KPNA3: variants seen among roughly 807,000 people sequenced by gnomAD.
The protein encoded by KPNA3 is karyopherin subunit alpha 3, also known as importin subunit alpha-4.
KPNA3 carries 13 observed loss-of-function variants against 73.8 expected under a neutral mutation model. That is an observed-to-expected ratio of 0.18 (90% CI 0.11 to 0.28). The LOEUF (loss-of-function observed/expected upper bound fraction) is 0.28, where lower values mean the gene tolerates loss of function less well. Ranked by LOEUF, KPNA3 falls within the 10% of genes least tolerant of loss-of-function variation. KPNA3 has a pLI of 1.00. For synonymous variants in KPNA3, 186 were observed against 206.9 expected (o/e 0.90, Z 0.87); for missense variants, 360 against 618.1 (o/e 0.58, Z 4.43).
intron 12 of KPNA3, among the ~76,000 whole-genome samples, chr13:49,708,897 C>T (rs894210592): frequency 9.9e-5 from 15 of 152,038 alleles, no homozygotes; most frequent in African/African-American, 3.4e-4. Flanking sequence ...GTCTTTGGGT[C>T]CAAACTAATT....
chr13:49,767,104 GA>G (rs1033899067), intron 1 of KPNA3, among the ~76,000 whole-genome samples: 9 of 151,538 alleles, frequency 5.9e-5, no homozygotes, highest in Non-Finnish European at 1.2e-4. Context: ...GCAATACCAT[GA>G]AATAATTTAA....
At chr13:49,713,811 C>T (rs1954282222) in intron 10 of KPNA3, among the ~76,000 whole-genome samples, 1 of 152,168 alleles carries the variant, frequency 6.6e-6, no homozygotes. Flanking sequence ...TCAAGTGATT[C>T]TCCTGCCTCA....
intron 11 of KPNA3, 70 bp downstream of exon 11, chr13:49,710,821 T>C (rs984413042): frequency 3.4e-5 from 46 of 1,339,804 alleles, no homozygotes; most frequent in Middle Eastern, 1.9e-4. Context: ...AATTAAAGCC[T>C]AGCTGTACAA....
At chr13:49,759,871 A>C (rs1037990993) in intron 1 of KPNA3, among the ~76,000 whole-genome samples, 11 of 152,228 alleles carry the variant, frequency 7.2e-5, no homozygotes, top group African/African-American at 2.7e-4. Flanking sequence ...AGCTTAAAGA[A>C]GGAGTGATAG....
intron 6 of KPNA3, 70 bp downstream of exon 6, chr13:49,732,301 T>C: frequency 1.5e-6 from 1 of 675,456 alleles, no homozygotes; most frequent in Non-Finnish European, 2.6e-6. Flanking sequence ...CTGAACTCAC[T>C]GGTTAAGTAA....
At chr13:49,729,855 T>C (rs946366324) in intron 6 of KPNA3, among the ~76,000 whole-genome samples, 2 of 152,328 alleles carry the variant, frequency 1.3e-5, no homozygotes, top group East Asian at 3.9e-4. Flanking sequence ...GTGCTTTGTA[T>C]GTATTATTTC....
chr13:49,734,899 T>TCATA lies in KPNA3; in HGVS notation c.115-1854_115-1853insTATG, dbSNP rs1555305279. ...CCTTCTAATTTTGCAAATTTTGACT[T>TCATA]TATATATATATATATACACACACAT... On this transcript the variant is annotated intron_variant, in intron 2 of 16. Coordinates refer to ENST00000261667, the MANE Select transcript of KPNA3 (RefSeq NM_002267.4). 4.9e-5 allele frequency among the ~76,000 whole-genome samples: 7 copies of TCATA among 143,652 alleles called. No individual in the cohort carries two copies. The Admixed American group carries it at 4.9e-4, about 10-fold the overall frequency. 94.2% of individuals were successfully genotyped at this position (143,652 alleles called of 152,430 possible).
rs966622653 is a variant in KPNA3 at position 49,719,706 on chromosome 13, C to T, written c.771+69G>A. ...GACAAGTTGATAAAATGTATGCTGA[C>T]ACTTACATAAAAACCCTTTCTGTCC... On this transcript the variant is annotated intron_variant, in intron 10 of 16. Transcript: ENST00000261667. The T allele has an allele frequency of 2.3e-5, 23 of 989,236 alleles. No individual in the cohort carries two copies. The South Asian group carries it at 3.1e-4, about 13-fold the overall frequency. 61.3% of individuals were successfully genotyped at this position (989,236 alleles called of 1,614,324 possible).
chr13:49,778,388 C>CT (rs1954913936), intron 1 of KPNA3, among the ~76,000 whole-genome samples: 2 of 152,200 alleles, frequency 1.3e-5, no homozygotes, highest in South Asian at 4.1e-4. Flanking sequence ...GTACCTCTGT[C>CT]TATACATCTT....
intron 2 of KPNA3, among the ~76,000 whole-genome samples, chr13:49,735,210 C>T (rs1954511088): frequency 6.6e-6 from 1 of 152,172 alleles, no homozygotes; most frequent in African/African-American, 2.4e-5. Flanking sequence ...GCAACCTCCA[C>T]CTCCCGGGTT....
At chr13:49,701,922 C>G in intron 16 of KPNA3, 24 bp from the exon 17 acceptor site, 1 of 1,495,768 alleles carries the variant, frequency 6.7e-7, no homozygotes, top group South Asian at 1.1e-5. Flanking sequence ...GAAAAAAATC[C>G]TTATTAGGTT....
chr13:49,747,195 A>T (rs563068089), intron 1 of KPNA3, among the ~76,000 whole-genome samples: 2 of 152,216 alleles, frequency 1.3e-5, no homozygotes, highest in East Asian at 1.9e-4. Context: ...TACAAAAAAA[A>T]TTAGCCGGGC....
At chr13:49,762,402 T>C (rs1311651356) in intron 1 of KPNA3, among the ~76,000 whole-genome samples, 1 of 152,134 alleles carries the variant, frequency 6.6e-6, no homozygotes, top group Admixed American at 6.5e-5. Flanking sequence ...ATGATGATGA[T>C]GGCGGTTTTG....
intron 11 of KPNA3, 33 bp from the exon 12 acceptor site, chr13:49,709,733 T>C (rs1223911472): frequency 6.3e-7 from 1 of 1,592,494 alleles, no homozygotes; most frequent in Admixed American, 1.8e-5. Context: ...TCTATAAATT[T>C]ATTTGCTTAT....
chr13:49,745,778 T>C (rs1476607048), intron 2 of KPNA3, among the ~76,000 whole-genome samples: 2 of 152,030 alleles, frequency 1.3e-5, no homozygotes, highest in Non-Finnish European at 2.9e-5. Flanking sequence ...AAGATATATG[T>C]ATAGGCCGGG....
At chr13:49,762,372 C>T (rs867722795) in intron 1 of KPNA3, among the ~76,000 whole-genome samples, 1 of 152,190 alleles carries the variant, frequency 6.6e-6, no homozygotes, top group Non-Finnish European at 1.5e-5. Context: ...GTGTACCCAA[C>T]AGCTCATCGA....
chr13:49,706,067 A>G, intron 14 of KPNA3, 31 bp downstream of exon 14: 5 of 1,581,650 alleles, frequency 3.2e-6, no homozygotes, highest in Non-Finnish European at 4.3e-6. Flanking sequence ...CAGTATTAAC[A>G]ATCATGACAG....
intron 10 of KPNA3, 22 bp downstream of exon 10, chr13:49,719,753 T>C (rs1954337891): frequency 6.4e-7 from 1 of 1,574,010 alleles, no homozygotes; most frequent in Non-Finnish European, 8.7e-7. Flanking sequence ...AAATCCCACA[T>C]TTAAGCTGCT....
intron 7 of KPNA3, among the ~76,000 whole-genome samples, chr13:49,723,625 C>T (rs192439651): frequency 1.3e-5 from 2 of 151,036 alleles, no homozygotes; most frequent in East Asian, 3.9e-4. Flanking sequence ...ATAATCTCAG[C>T]ACTTTGGGAA....
Sources: gnomAD v4.1 joint callset for allele counts (sites outside exome capture counted in the v4.1 genomes callset) on GRCh38, gnomAD v4.1.1 for gene constraint, MANE v1.5 for transcripts, NCBI Gene and HGNC (gene_info 2026-07-23, HGNC 2026-07-21) for gene names.